DMXL2: variants seen among roughly 807,000 people sequenced by gnomAD.
The protein encoded by DMXL2 is dmX-like protein 2.
DMXL2 carries 103 observed loss-of-function variants against 331.1 expected under a neutral mutation model. The ratio of observed to expected loss-of-function variants is 0.31; its 90% CI spans 0.27 to 0.37. DMXL2 has a LOEUF of 0.37. Among genes scored for constraint, DMXL2 ranks in the 10% least tolerant of loss-of-function variants. The pLI is 1.00. For missense variants in DMXL2, 3,171 were observed against 3,642.9 expected, an observed-to-expected ratio of 0.87 and a Z score of 3.33; for synonymous variants, 1,281 against 1,252.1, an observed-to-expected ratio of 1.02 and a Z score of -0.49.
In DMXL2 at chr15:51,488,622, C is replaced by A; in HGVS notation, c.4977G>T (p.Arg1659Ser). The stretch of plus-strand genomic sequence containing the variant: ...GTGCAGCATCTAAGGCATCATTGTT[C>A]CTTTGAAAAGAAGCTTTGGCAACCT... ...IEKVAKASFQRNNDALDAALF... is the reference protein window; with the variant it reads ...IEKVAKASFQSNNDALDAALF... Residue 1659 changes from arginine (R) to serine (S), a missense_variant, in exon 21 of 44, where the codon AGG becomes AGT. Around this residue, in one of 7 missense-constraint regions of DMXL2, gnomAD observed 252 missense variants for 387.4 expected, o/e 0.65. Transcript: ENST00000560891. The A allele has an allele frequency of 1.2e-6, 2 of 1,610,098 alleles. No homozygotes were observed. The highest frequency in any genetic ancestry group is 2.2e-5 in the South Asian group (2 of 89,726).
intron 13 of DMXL2, among the ~76,000 whole-genome samples, chr15:51,518,754 T>C (rs1260141676): frequency 1.3e-5 from 2 of 152,104 alleles, no homozygotes; most frequent in Non-Finnish European, 2.9e-5. Flanking sequence ...GTATTCCAGC[T>C]AAGGATTTGC....
chr15:51,580,200 A>G (rs919796348), intron 1 of DMXL2, among the ~76,000 whole-genome samples: 7 of 152,202 alleles, frequency 4.6e-5, no homozygotes, highest in African/African-American at 1.7e-4. Context: ...AGAGAGATCA[A>G]AAGTGATTTT....
intron 6 of DMXL2, among the ~76,000 whole-genome samples, chr15:51,547,796 A>T (rs2048969789): frequency 6.6e-6 from 1 of 152,128 alleles, no homozygotes; most frequent in Non-Finnish European, 1.5e-5. Flanking sequence ...AGTGGTCTTT[A>T]ACAGTGAAGC....
intron 8 of DMXL2, 28 bp from the exon 9 acceptor site, chr15:51,542,535 C>G: frequency 6.4e-7 from 1 of 1,569,804 alleles, no homozygotes; most frequent in Non-Finnish European, 8.7e-7. Flanking sequence ...TTGCTGAGTC[C>G]AACTCTGGAA....
At chr15:51,610,117 T>C (rs939365141) in intron 1 of DMXL2, among the ~76,000 whole-genome samples, 11 of 152,126 alleles carry the variant, frequency 7.2e-5, no homozygotes, top group Admixed American at 2.0e-4. Flanking sequence ...ACTGTACAAA[T>C]GCCAACCAAA....
At chr15:51,487,659 T>A (rs967254545) in intron 22 of DMXL2, among the ~76,000 whole-genome samples, 2 of 152,196 alleles carry the variant, frequency 1.3e-5, no homozygotes, top group African/African-American at 4.8e-5. Flanking sequence ...AGTTTTGCTA[T>A]GTTGGCCAGG....
chr15:51,597,308 C>A (rs751849477), intron 1 of DMXL2, among the ~76,000 whole-genome samples: 1 of 152,204 alleles, frequency 6.6e-6, no homozygotes, highest in East Asian at 1.9e-4. Flanking sequence ...AAAGTAGCCA[C>A]TACCCTTTTT....
At chr15:51,475,733 G>T (rs1184794898) in intron 27 of DMXL2, among the ~76,000 whole-genome samples, 1 of 152,146 alleles carries the variant, frequency 6.6e-6, no homozygotes, top group African/African-American at 2.4e-5. Context: ...TTCAAAAAAG[G>T]TCTGTAGATT....
At chr15:51,600,844 A>T (rs570097034) in intron 1 of DMXL2, among the ~76,000 whole-genome samples, 2 of 152,236 alleles carry the variant, frequency 1.3e-5, no homozygotes, top group East Asian at 3.9e-4. Context: ...AAACTATCTC[A>T]TGAAAGACAG....
Position 51,622,619 on chromosome 15 carries a change from G to A in DMXL2, c.-74C>T. On this transcript the variant is annotated 5_prime_UTR_variant, in exon 1 of 44. Transcript: ENST00000560891. ...GCGCCTGACCCTCCTCGGGCTGCGA[G>A]AGCCGTTTCCCTCTGTGCCTCCCTC... The A allele has an allele frequency of 6.7e-7, 1 of 1,494,728 alleles. No individual in the cohort carries two copies. The highest frequency in any genetic ancestry group is 9.0e-7 in the Non-Finnish European group (1 of 1,116,802). The allele number at this position is 1,494,728 out of a possible 1,614,324, so 92.6% of individuals were successfully genotyped here.
intron 28 of DMXL2, among the ~76,000 whole-genome samples, chr15:51,472,545 C>T (rs1377274241): frequency 2.6e-5 from 4 of 151,922 alleles, no homozygotes; most frequent in African/African-American, 9.7e-5. Flanking sequence ...CTCCCCCTAG[C>T]CCATGGCAAC....
chr15:51,622,137 C>G (rs887519475), intron 1 of DMXL2, among the ~76,000 whole-genome samples: 4 of 152,246 alleles, frequency 2.6e-5, no homozygotes, highest in Admixed American at 2.6e-4. Flanking sequence ...TTCAGCCGCA[C>G]CACCACTTTC....
At chr15:51,596,777 T>C (rs1265736127) in intron 1 of DMXL2, among the ~76,000 whole-genome samples, 1 of 152,136 alleles carries the variant, frequency 6.6e-6, no homozygotes, top group East Asian at 1.9e-4. Flanking sequence ...TGTAGGAACA[T>C]GGATGAAGCT....
intron 18 of DMXL2, among the ~76,000 whole-genome samples, 178 bp downstream of exon 18, chr15:51,498,374 C>T (rs1311143503): frequency 1.3e-5 from 2 of 152,126 alleles, no homozygotes; most frequent in African/African-American, 2.4e-5. Flanking sequence ...ATTCATATGC[C>T]GGCCTCAACC....
chr15:51,535,866 C>G, intron 12 of DMXL2, 82 bp from the exon 13 acceptor site: 1 of 1,451,960 alleles, frequency 6.9e-7, no homozygotes, highest in African/African-American at 1.4e-5. Context: ...AACAAGTATT[C>G]ACATTTTTTT....
chr15:51,450,920 A>G lies in DMXL2; in HGVS notation c.8750-574T>C, dbSNP rs150672120. Among the ~76,000 whole-genome samples, 540 of 148,326 alleles carry G rather than the reference A, an allele frequency of 3.6e-3. 2 individuals carry two copies. Among genetic ancestry groups the G allele is most frequent in the Non-Finnish European group, 4.3e-3 (289 of 67,002 alleles). ...GAATTAACTACATATTTCAAAATGC[A>G]TATCAGTGTATTAAAAGACTGAGAA... is the stretch of plus-strand genomic sequence containing the variant. On this transcript the variant is annotated intron_variant, in intron 42 of 43. Transcript: ENST00000560891.
chr15:51,568,310 G>C (rs556217675), intron 3 of DMXL2, 177 bp downstream of exon 3: 3 of 504,028 alleles, frequency 6.0e-6, no homozygotes, highest in Admixed American at 8.4e-5. Flanking sequence ...GTTTCTAAAA[G>C]CACTAGGGAT....
intron 1 of DMXL2, among the ~76,000 whole-genome samples, chr15:51,598,609 T>C (rs1031178893): frequency 2.4e-4 from 37 of 152,260 alleles, no homozygotes; most frequent in African/African-American, 8.9e-4. Flanking sequence ...TTAACACTTT[T>C]GAAGAACACA....
intron 13 of DMXL2, among the ~76,000 whole-genome samples, chr15:51,518,996 G>A (rs1292829825): frequency 6.6e-6 from 1 of 152,006 alleles, no homozygotes. Context: ...ATATTTTAAT[G>A]CAATATTTTA....
Sources: allele counts gnomAD v4.1 joint callset (sites outside exome capture counted in the v4.1 genomes callset), GRCh38; gene constraint gnomAD v4.1.1; regional missense constraint gnomAD v4.1.1; transcripts MANE v1.5; gene names NCBI Gene and HGNC (gene_info 2026-07-23, HGNC 2026-07-21).